Variants in WDR47 observed in about 807,000 individuals in gnomAD.
WDR47 encodes the protein WD repeat domain 47.
Under a neutral mutation model 97.2 loss-of-function variants are expected in WDR47, and 32 were observed. The observed-to-expected ratio is 0.33, with a 90% CI of 0.25 to 0.44. The LOEUF is 0.44. Ranked by LOEUF, WDR47 falls within the 20% of genes least tolerant of loss-of-function variation. The pLI, the probability that WDR47 is intolerant of heterozygous loss-of-function variation, is 1.00. For synonymous variants in WDR47, 375 were observed against 373.5 expected (o/e 1.00, Z -0.05); for missense variants, 782 against 1,102.3 (o/e 0.71, Z 4.11).
chr1:108,990,234 A>G (rs985612809), intron 9 of WDR47, among the ~76,000 whole-genome samples: 1 of 151,888 alleles, frequency 6.6e-6, no homozygotes, highest in African/African-American at 2.4e-5. Context: ...TTGGAGACAG[A>G]GTCTTGCTCT....
intron 1 of WDR47, among the ~76,000 whole-genome samples, chr1:109,036,854 A>C (rs983407232): frequency 6.6e-6 from 1 of 152,088 alleles, no homozygotes; most frequent in Non-Finnish European, 1.5e-5. Flanking sequence ...TAAATAAATA[A>C]ATAATAAAGC....
intron 1 of WDR47, among the ~76,000 whole-genome samples, chr1:109,025,475 C>T (rs1662147090): frequency 6.7e-6 from 1 of 148,514 alleles, no homozygotes; most frequent in African/African-American, 2.5e-5. Flanking sequence ...GTGGCTCACA[C>T]CTGTAATCCC....
At chr1:109,023,262 T>G (rs1164793811) in intron 2 of WDR47, 93 bp downstream of exon 2, 1 of 1,164,640 alleles carries the variant, frequency 8.6e-7, no homozygotes, top group African/African-American at 1.6e-5. Context: ...TTTTCATGAT[T>G]ATAAAGTTCT....
chr1:108,973,724 A>G (rs191654121), intron 14 of WDR47, among the ~76,000 whole-genome samples: 5 of 151,738 alleles, frequency 3.3e-5, no homozygotes, highest in Non-Finnish European at 5.9e-5. Context: ...TTTACAAAAA[A>G]ATTTTTAAAA....
At chr1:109,034,814 C>T (rs1662820982) in intron 1 of WDR47, among the ~76,000 whole-genome samples, 1 of 152,162 alleles carries the variant, frequency 6.6e-6, no homozygotes. Flanking sequence ...AATACTAACA[C>T]AGTGACGTAT....
At chr1:109,021,476 T>C (rs1416308719) in intron 2 of WDR47, among the ~76,000 whole-genome samples, 2 of 141,920 alleles carry the variant, frequency 1.4e-5, no homozygotes, top group African/African-American at 5.3e-5. Flanking sequence ...TGTAGTGAGC[T>C]GAGATCATGC....
At chr1:109,000,795 C>T (rs1178906078) in intron 7 of WDR47, among the ~76,000 whole-genome samples, 1 of 152,116 alleles carries the variant, frequency 6.6e-6, no homozygotes, top group Non-Finnish European at 1.5e-5. Flanking sequence ...AGTTGTCAAG[C>T]AGATTACTTC....
At chr1:108,983,868 G>A (rs1352770479) in intron 10 of WDR47, among the ~76,000 whole-genome samples, 1 of 152,192 alleles carries the variant, frequency 6.6e-6, no homozygotes, top group African/African-American at 2.4e-5. Flanking sequence ...TGAGCAATGT[G>A]CAAGAGTTCT....
In WDR47 at chr1:109,002,239, TC is replaced by T. The variant is rs1289106871; in HGVS notation, c.1417del (p.Glu473AsnfsTer14). On this transcript the variant is annotated frameshift_variant, in exon 7 of 15. Transcript: ENST00000369962. LOFTEE classifies it high-confidence loss of function. Reference protein sequence around the residue: ...DGPDQQQNLTEQFLNRSIQKL... With the variant: ...DGPDQQQNLTXQFLNRSIQKL... The stretch of plus-strand genomic sequence containing the variant: ...GAAGACCAACCTATTAAGGAACTGT[TC>T]AGTAAGATTCTGCTGCTGATCAGGA... The T allele has an allele frequency of 1.9e-6, 3 of 1,598,200 alleles. No individual in the cohort carries two copies.
chr1:109,013,472 C>T (rs1265863429), intron 4 of WDR47, among the ~76,000 whole-genome samples: 1 of 151,262 alleles, frequency 6.6e-6, no homozygotes, highest in Non-Finnish European at 1.5e-5. Flanking sequence ...ATCTCTGGAT[C>T]AAAGACAATA....
At chr1:109,018,708 G>A (rs572572471) in intron 2 of WDR47, among the ~76,000 whole-genome samples, 2 of 151,282 alleles carry the variant, frequency 1.3e-5, no homozygotes, top group Admixed American at 1.3e-4. Context: ...CCAGCTACTC[G>A]GGAGGCTGAG....
At chr1:108,980,518 C>G (rs1259756308) in intron 13 of WDR47, among the ~76,000 whole-genome samples, 3 of 151,808 alleles carry the variant, frequency 2.0e-5, no homozygotes, top group African/African-American at 7.3e-5. Context: ...CACCTGAGGT[C>G]AGGAGTTTGA....
At chr1:109,015,048 C>CA (rs202223668) in intron 3 of WDR47, among the ~76,000 whole-genome samples, 1,940 of 151,240 alleles carry the variant, frequency 0.013, 25 homozygotes, top group Admixed American at 0.029. Context: ...GGAAAGTTAA[C>CA]AAAAAAAAGA....
At position 109,002,359 on chromosome 1, in the gene WDR47, CT is replaced by C; in HGVS notation, c.1297del (p.Arg433AspfsTer8). The part of the protein sequence containing the change: ...TEQFQEYYRQ[R>X]LRYQQHLEQK... ...TTCTAAATGCTGTTGATAGCGTAATCTTTGCCTATAATATTCTTGAAATTGT... is the reference window on the plus strand; with the variant it reads ...TTCTAAATGCTGTTGATAGCGTAATCTTGCCTATAATATTCTTGAAATTGT... On this transcript the variant is annotated frameshift_variant, in exon 7 of 15. Transcript: ENST00000369962. LOFTEE classifies it high-confidence loss of function. The C allele has an allele frequency of 1.2e-6, 2 of 1,610,798 alleles. No homozygotes were observed. The highest frequency in any genetic ancestry group is 8.5e-7 in the Non-Finnish European group (1 of 1,179,316).
intron 13 of WDR47, among the ~76,000 whole-genome samples, chr1:108,975,022 A>G (rs982634662): frequency 6.6e-6 from 1 of 152,172 alleles, no homozygotes; most frequent in Non-Finnish European, 1.5e-5. Flanking sequence ...CTATAGTGCA[A>G]TAGATGAGCC....
intron 7 of WDR47, among the ~76,000 whole-genome samples, chr1:108,999,793 G>A (rs1660044466): frequency 6.6e-6 from 1 of 152,134 alleles, no homozygotes; most frequent in Admixed American, 6.5e-5. Context: ...CACTATTGGG[G>A]AGGAGGGTCA....
At chr1:108,987,169 G>T in intron 9 of WDR47, 1 of 182,014 alleles carries the variant, frequency 5.5e-6, no homozygotes, top group Non-Finnish European at 1.3e-5. Flanking sequence ...TTCTAATGGT[G>T]TTTCTTCTAT....
In WDR47 at chr1:108,991,129, C is replaced by T. The variant is rs1035653989; in HGVS notation, c.1767+125G>A. On this transcript the variant is annotated intron_variant, in intron 9 of 14. Transcript: ENST00000369962. ...CTGGGCTCAAGACATTCTTCTGCCT[C>T]GGCCTCCTGGGTACTGTACACCACC... 24 of 741,970 alleles carry T rather than the reference C, an allele frequency of 3.2e-5. No individual in the cohort carries two copies. In the Middle Eastern group the frequency reaches 1.0e-3, roughly 32 times the overall value. The allele number at this position is 741,970 out of a possible 1,614,324, so 46.0% of individuals were successfully genotyped here. A position where few individuals can be genotyped will look rare whatever the true frequency, so the allele number is the denominator to read the frequency against.
At chr1:109,020,714 A>T (rs1019213504) in intron 2 of WDR47, among the ~76,000 whole-genome samples, 1 of 152,120 alleles carries the variant, frequency 6.6e-6, no homozygotes, top group Non-Finnish European at 1.5e-5. Flanking sequence ...GATAGTGCTT[A>T]AAAAAATACT....
Sources: gnomAD v4.1 joint callset for allele counts (sites outside exome capture counted in the v4.1 genomes callset) on GRCh38, gnomAD v4.1.1 for gene constraint, MANE v1.5 for transcripts, NCBI Gene and HGNC (gene_info 2026-07-23, HGNC 2026-07-21) for gene names.